MOK: variants seen among roughly 807,000 people sequenced by gnomAD.
MOK encodes the protein MAPK/MAK/MRK overlapping kinase.
A neutral mutation model predicts 54.2 loss-of-function variants in MOK; 59 were observed. The ratio of observed to expected loss-of-function variants is 1.09; its 90% CI spans 0.88 to 1.35. The LOEUF (loss-of-function observed/expected upper bound fraction) is 1.35. Ranked by LOEUF, MOK falls within the 40% of genes most tolerant of loss-of-function variation. MOK has a pLI of 0.00. For synonymous variants in MOK, 210 were observed against 202.7 expected, an observed-to-expected ratio of 1.04 and a Z score of -0.31; for missense variants, 517 against 526.2, an observed-to-expected ratio of 0.98 and a Z score of 0.17.
In MOK at chr14:102,231,403, T is replaced by C. The variant is rs2064688949; in HGVS notation, c.981+304A>G. The C allele has an allele frequency of 1.1e-5, 3 of 261,984 alleles. No individual in the cohort carries two copies. The highest frequency in any genetic ancestry group is 5.1e-5 in the Admixed American group (1 of 19,460). 16.2% of individuals were successfully genotyped at this position (261,984 alleles called of 1,614,324 possible). ...GTGCTTTGGCATAGAACCTGGCACC[T>C]GCATATGGTCATCAGGACAGACACA... On this transcript the variant is annotated intron_variant, in intron 10 of 11. Transcript: ENST00000361847. This position sits in a 1 kb window ranked among gnomAD's most constrained non-coding sequence, Gnocchi z 4.4.
chr14:102,268,153 A>G (rs2068060682), intron 2 of MOK, among the ~76,000 whole-genome samples: 1 of 152,198 alleles, frequency 6.6e-6, no homozygotes, highest in Admixed American at 6.6e-5. Flanking sequence ...CTCCTCTGTA[A>G]TAGGAAAACC....
At chr14:102,302,700 C>T (rs930177402) in intron 1 of MOK, among the ~76,000 whole-genome samples, 2 of 151,872 alleles carry the variant, frequency 1.3e-5, no homozygotes, top group Non-Finnish European at 2.9e-5. Context: ...CAGGTGTGAG[C>T]CACTGCGCCC....
intron 1 of MOK, among the ~76,000 whole-genome samples, chr14:102,288,779 G>C (rs1450042575): frequency 6.6e-6 from 1 of 152,192 alleles, no homozygotes; most frequent in African/African-American, 2.4e-5. Flanking sequence ...GGGGTGAAGT[G>C]ACCAGAATGG....
intron 2 of MOK, among the ~76,000 whole-genome samples, chr14:102,266,675 C>T (rs1291008478): frequency 3.3e-5 from 5 of 152,016 alleles, no homozygotes; most frequent in South Asian, 2.1e-4. Flanking sequence ...CTCTGCCTCC[C>T]GGGTTCAAGC....
At chr14:102,234,044 T>C in intron 7 of MOK, 1 of 388,698 alleles carries the variant, frequency 2.6e-6, no homozygotes, top group Non-Finnish European at 4.6e-6. Context: ...CCTTCCCCAA[T>C]ATAAACCCCT....
At chr14:102,222,900 C>T (rs770025964), downstream of MOK, 160 of 1,613,938 alleles carry the variant, frequency 9.9e-5, no homozygotes, top group Non-Finnish European at 6.1e-5. This position sits in a 1 kb window ranked among gnomAD's most constrained non-coding sequence, Gnocchi z 4.4. Flanking sequence ...CACTGCTGCG[C>T]GCACAGTCTC....
At chr14:102,252,162 C>A (rs560723035) in intron 4 of MOK, among the ~76,000 whole-genome samples, 167 bp from the exon 5 acceptor site, 1 of 152,176 alleles carries the variant, frequency 6.6e-6, no homozygotes, top group African/African-American at 2.4e-5. Context: ...ACAAAACATA[C>A]CATTTAAAAT....
Position 102,232,193 on chromosome 14 carries a change from C to T in MOK, c.866+342G>A. On this transcript the variant is annotated intron_variant, in intron 9 of 11. Transcript: ENST00000361847. The surrounding 1 kb of genome is among the most constrained non-coding windows in gnomAD (Gnocchi z 5.1). The stretch of plus-strand genomic sequence containing the variant: ...CCAGCGCCAGGTGACATCCACAGTG[C>T]TCTACCATCTCAGAATGCATCCTGT... The T allele has an allele frequency of 2.9e-6, 1 of 343,188 alleles. No individual in the cohort carries two copies. The highest frequency in any genetic ancestry group is 5.3e-6 in the Non-Finnish European group (1 of 189,872). The allele number at this position is 343,188 out of a possible 1,614,324, so 21.3% of individuals were successfully genotyped here.
At chr14:102,225,956 C>G (rs543434735), downstream of MOK, 3 of 273,728 alleles carry the variant, frequency 1.1e-5, no homozygotes, top group African/African-American at 6.8e-5. Flanking sequence ...GGAGAATGCA[C>G]GGGGATTAGG....
intron 1 of MOK, among the ~76,000 whole-genome samples, chr14:102,298,193 G>T (rs1004102609): frequency 1.3e-5 from 2 of 152,240 alleles, no homozygotes; most frequent in African/African-American, 4.8e-5. Context: ...GTCTAACTAA[G>T]GGATTGTAAA....
chr14:102,265,619 AGAG>A (rs2067836137), intron 3 of MOK, among the ~76,000 whole-genome samples: 16 of 152,210 alleles, frequency 1.1e-4, no homozygotes, highest in Admixed American at 9.8e-4. Context: ...TGACAGAGAG[AGAG>A]ACTCCTTCTC....
rs892853344 is a variant in MOK at position 102,232,099 on chromosome 14, G to C, written c.867-278C>G. 4.9e-6 allele frequency: 2 copies of C among 405,702 alleles called. No homozygotes were observed. Among genetic ancestry groups the C allele is most frequent in the Admixed American group, 8.1e-5 (2 of 24,730 alleles). The allele number at this position is 405,702 out of a possible 1,614,324, so 25.1% of individuals were successfully genotyped here. A position where few individuals can be genotyped will look rare whatever the true frequency, so the allele number is the denominator to read the frequency against. ...CACCTCCACAGTTAGGCAAACAGGA[G>C]TGTCCAGAGGTCCGGAATTAGGTGA... is the stretch of plus-strand genomic sequence containing the variant. On this transcript the variant is annotated intron_variant, in intron 9 of 11. Coordinates refer to ENST00000361847, the MANE Select transcript of MOK (RefSeq NM_014226.3). The surrounding 1 kb of genome is among the most constrained non-coding windows in gnomAD (Gnocchi z 5.1).
intron 1 of MOK, among the ~76,000 whole-genome samples, chr14:102,290,902 A>T (rs137971755): frequency 6.6e-6 from 1 of 152,318 alleles, no homozygotes; most frequent in Admixed American, 6.5e-5. Flanking sequence ...TGTGAGATAC[A>T]ACCAGAGAAC....
chr14:102,217,765 G>A, the MOK span, among the ~76,000 whole-genome samples: 60 of 152,358 alleles, frequency 3.9e-4, no homozygotes, highest in African/African-American at 1.4e-3. Context: ...AGTCTTGCAC[G>A]TGAGCAGTTA....
At chr14:102,261,480 C>T (rs1429842407) in intron 4 of MOK, among the ~76,000 whole-genome samples, 2 of 119,346 alleles carry the variant, frequency 1.7e-5, no homozygotes, top group African/African-American at 3.2e-5. Flanking sequence ...CTTTCTCAAG[C>T]GTCTAAACAC....
At chr14:102,297,711 T>C (rs1476029997) in intron 1 of MOK, among the ~76,000 whole-genome samples, 2 of 152,062 alleles carry the variant, frequency 1.3e-5, no homozygotes, top group African/African-American at 2.4e-5. Flanking sequence ...GAACCGGGGC[T>C]GCACGTGGTG....
the MOK span, among the ~76,000 whole-genome samples, chr14:102,215,324 GA>G: frequency 6.6e-6 from 1 of 152,200 alleles, no homozygotes; most frequent in Non-Finnish European, 1.5e-5. Context: ...CAGACATTCT[GA>G]AGTCGTCCTG....
At chr14:102,298,330 A>C (rs1255274561) in intron 1 of MOK, among the ~76,000 whole-genome samples, 1 of 152,180 alleles carries the variant, frequency 6.6e-6, no homozygotes, top group East Asian at 1.9e-4. Context: ...AAATACACCA[A>C]TCAGTACTCT....
chr14:102,281,393 T>C (rs999038280), intron 2 of MOK, among the ~76,000 whole-genome samples: 2 of 149,044 alleles, frequency 1.3e-5, no homozygotes, highest in African/African-American at 5.0e-5. Context: ...CTGTTACTCA[T>C]GAGGCTGAGG....
Sources: allele counts gnomAD v4.1 joint callset (sites outside exome capture counted in the v4.1 genomes callset), GRCh38; gene constraint gnomAD v4.1.1; non-coding constraint Gnocchi (gnomAD v3.1); transcripts MANE v1.5; gene names NCBI Gene and HGNC (gene_info 2026-07-23, HGNC 2026-07-21).